The following ASTN2 variants were observed in gnomAD, a reference collection of about 807,000 sequenced individuals.
ASTN2 encodes astrotactin 2, also known as astrotactin-2.
In ASTN2, 54 loss-of-function variants were observed where a neutral mutation model predicts 139.8. The ratio of observed to expected loss-of-function variants is 0.39; its 90% CI spans 0.31 to 0.48. ASTN2 has a LOEUF of 0.48. ASTN2 is among the 20% of genes least tolerant of loss of function. ASTN2 has a pLI of 0.95. For synonymous variants in ASTN2, 756 were observed against 719.5 expected, an observed-to-expected ratio of 1.05 and a Z score of -0.81; for missense variants, 1,565 against 1,725.1, an observed-to-expected ratio of 0.91 and a Z score of 1.64.
intron 19 of ASTN2, chr9:116,584,950 T>C (rs148018803): frequency 2.0e-5 from 3 of 152,318 alleles, no homozygotes; most frequent in East Asian, 1.9e-4. Flanking sequence ...GAATGGAGTA[T>C]GCCAAATAAA....
At chr9:117,014,846 G>C (rs190401269) in intron 6 of ASTN2, among the ~76,000 whole-genome samples, 1 of 152,086 alleles carries the variant, frequency 6.6e-6, no homozygotes, top group African/African-American at 2.4e-5. Context: ...ACAAGCCAAG[G>C]AGAGAGGCCC....
chr9:117,059,955 A>G (rs1336120251), intron 5 of ASTN2, among the ~76,000 whole-genome samples: 3 of 152,176 alleles, frequency 2.0e-5, no homozygotes, highest in African/African-American at 7.2e-5. Flanking sequence ...CTGGCTCACA[A>G]GATCCAATTG....
chr9:117,323,991 A>C (rs969166582), intron 1 of ASTN2, among the ~76,000 whole-genome samples: 4 of 152,176 alleles, frequency 2.6e-5, no homozygotes, highest in Admixed American at 2.6e-4. Context: ...AATAAGACAT[A>C]TGTAGTCAGT....
intron 13 of ASTN2, among the ~76,000 whole-genome samples, chr9:116,737,923 T>C (rs936343105): frequency 2.0e-5 from 3 of 152,062 alleles, no homozygotes; most frequent in Non-Finnish European, 4.4e-5. Context: ...CCGGGCGCGG[T>C]GGCTCACGCC....
At chr9:117,040,982 T>G (rs555676101) in intron 5 of ASTN2, among the ~76,000 whole-genome samples, 2 of 152,316 alleles carry the variant, frequency 1.3e-5, no homozygotes, top group South Asian at 4.1e-4. Context: ...GGGGGAAAAG[T>G]CAAGCTTATC....
chr9:116,607,791 C>A (rs1362870176), intron 19 of ASTN2, among the ~76,000 whole-genome samples: 2 of 151,650 alleles, frequency 1.3e-5, no homozygotes, highest in Non-Finnish European at 2.9e-5. Flanking sequence ...GAAGCCCCGT[C>A]TCTATTTAAA....
chr9:116,573,444 T>C (rs1255084109), intron 19 of ASTN2, among the ~76,000 whole-genome samples: 1 of 152,184 alleles, frequency 6.6e-6, no homozygotes, highest in African/African-American at 2.4e-5. Flanking sequence ...AATATGATAA[T>C]GTCTTATGAA....
rs148742502 is a variant in ASTN2 at position 116,824,789 on chromosome 9, A to T, written c.2041-4006T>A. Among the ~76,000 whole-genome samples, 8 of 152,382 alleles carry T rather than the reference A, an allele frequency of 5.2e-5. No homozygotes were observed. The East Asian group carries it at 1.5e-3, about 29-fold the overall frequency. On this transcript the variant is annotated intron_variant, in intron 11 of 22. Transcript: ENST00000313400. Reference sequence around the variant, plus strand: ...GTACTTAGCACAGTGATCAACAAATAGTTCTGCTGTTATAGGTATTTGTAA... The same window carrying T: ...GTACTTAGCACAGTGATCAACAAATTGTTCTGCTGTTATAGGTATTTGTAA...
At chr9:116,807,904 G>T (rs113410043) in intron 12 of ASTN2, among the ~76,000 whole-genome samples, 2 of 150,734 alleles carry the variant, frequency 1.3e-5, no homozygotes, top group East Asian at 3.9e-4. Context: ...GAGGTCAGGC[G>T]TTCAAGACCA....
intron 20 of ASTN2, among the ~76,000 whole-genome samples, chr9:116,447,339 C>T (rs1848030506): frequency 6.6e-6 from 1 of 152,174 alleles, no homozygotes; most frequent in South Asian, 2.1e-4. Flanking sequence ...GGTCAGCACC[C>T]CTTCACTTCT....
chr9:116,587,594 T>C (rs1354468251), intron 19 of ASTN2, among the ~76,000 whole-genome samples: 1 of 152,128 alleles, frequency 6.6e-6, no homozygotes, highest in South Asian at 2.1e-4. Context: ...TTCCAGGACT[T>C]GCTGTGATTA....
chr9:116,674,153 G>A (rs2131996850), intron 16 of ASTN2, among the ~76,000 whole-genome samples: 1 of 152,310 alleles, frequency 6.6e-6, no homozygotes, highest in Non-Finnish European at 1.5e-5. Context: ...GTTACAAGAT[G>A]CTGACCCTCC....
intron 3 of ASTN2, among the ~76,000 whole-genome samples, chr9:117,158,650 G>A (rs375418888): frequency 1.8e-4 from 27 of 152,134 alleles, no homozygotes; most frequent in African/African-American, 5.1e-4. Flanking sequence ...GTGAGGCCAC[G>A]TCCTAGACTC....
At chr9:116,940,862 C>T (rs951529793) in intron 10 of ASTN2, among the ~76,000 whole-genome samples, 1 of 152,126 alleles carries the variant, frequency 6.6e-6, no homozygotes, top group Non-Finnish European at 1.5e-5. Context: ...GTGCCCTATA[C>T]AGGTAGATAA....
At chr9:117,170,591 C>G (rs1002430875) in intron 3 of ASTN2, among the ~76,000 whole-genome samples, 1 of 152,044 alleles carries the variant, frequency 6.6e-6, no homozygotes, top group East Asian at 1.9e-4. Context: ...GCATGAATTG[C>G]TGGAGTGAGT....
intron 22 of ASTN2, among the ~76,000 whole-genome samples, chr9:116,433,609 T>C (rs1042516043): frequency 4.6e-5 from 7 of 152,204 alleles, no homozygotes; most frequent in Non-Finnish European, 1.0e-4. Flanking sequence ...ATAAAGGTAT[T>C]TTCATTTTAA....
At chr9:117,400,179 A>G (rs950239599) in intron 1 of ASTN2, among the ~76,000 whole-genome samples, 2 of 152,174 alleles carry the variant, frequency 1.3e-5, no homozygotes, top group African/African-American at 4.8e-5. Flanking sequence ...AAGGACTGCC[A>G]TTTATTTAAG....
chr9:117,100,955 T>G (rs767172912), intron 4 of ASTN2, among the ~76,000 whole-genome samples: 35 of 152,348 alleles, frequency 2.3e-4, no homozygotes, highest in Non-Finnish European at 4.0e-4. Context: ...TATTAGCATA[T>G]GGCCTTGGAC....
At chr9:117,325,778 G>A (rs1029352247) in intron 1 of ASTN2, among the ~76,000 whole-genome samples, 4 of 152,154 alleles carry the variant, frequency 2.6e-5, no homozygotes, top group African/African-American at 7.2e-5. Flanking sequence ...AAAGGAGTGA[G>A]GTGAACAGAG....
Sources: allele counts gnomAD v4.1 joint callset (sites outside exome capture counted in the v4.1 genomes callset), GRCh38; gene constraint gnomAD v4.1.1; transcripts MANE v1.5; gene names NCBI Gene and HGNC (gene_info 2026-07-23, HGNC 2026-07-21).